Variants in CDH8 observed in about 807,000 individuals in gnomAD.
The protein encoded by CDH8 is cadherin 8.
CDH8 carries 17 observed loss-of-function variants against 68.1 expected under a neutral mutation model. That is an observed-to-expected ratio of 0.25 (90% CI 0.17 to 0.37). CDH8 has a LOEUF of 0.37. CDH8 is among the 10% of genes least tolerant of loss of function. The pLI is 1.00. For missense variants in CDH8, 763 were observed against 999.3 expected (o/e 0.76, Z 3.19); for synonymous variants, 372 against 365.1 (o/e 1.02, Z -0.21).
chr16:61,654,218 T>C (rs542438910), intron 11 of CDH8, 117 bp from the exon 12 acceptor site: 1 of 783,606 alleles, frequency 1.3e-6, no homozygotes, highest in South Asian at 1.9e-5. Flanking sequence ...CATACACCTT[T>C]AATAATATTT....
intron 8 of CDH8, among the ~76,000 whole-genome samples, chr16:61,751,446 C>G (rs1311592205): frequency 1.2e-5 from 1 of 80,508 alleles, no homozygotes; most frequent in Non-Finnish European, 2.5e-5. Context: ...TTTACTTAAA[C>G]ATGACACTCT....
At chr16:61,665,490 C>A (rs1192550781) in intron 10 of CDH8, among the ~76,000 whole-genome samples, 3 of 151,792 alleles carry the variant, frequency 2.0e-5, no homozygotes, top group African/African-American at 4.8e-5. Flanking sequence ...ACATCACACA[C>A]CAGGGCCTGT....
chr16:61,960,424 T>TGTGTATAC (rs1965133600), intron 2 of CDH8, among the ~76,000 whole-genome samples: 1 of 150,626 alleles, frequency 6.6e-6, no homozygotes, highest in South Asian at 2.1e-4. Flanking sequence ...TGTGTGTGTA[T>TGTGTATAC]ACACATACAT....
chr16:61,658,879 C>A (rs1185210278), intron 10 of CDH8, among the ~76,000 whole-genome samples: 3 of 152,018 alleles, frequency 2.0e-5, no homozygotes, highest in Non-Finnish European at 4.4e-5. Flanking sequence ...TAATGTTCTT[C>A]AATATATGTC....
intron 8 of CDH8, among the ~76,000 whole-genome samples, chr16:61,767,190 CAA>C (rs1448723994): frequency 6.6e-6 from 1 of 151,902 alleles, no homozygotes; most frequent in Non-Finnish European, 1.5e-5. Flanking sequence ...AATCACTCTA[CAA>C]AAGTGATGGT....
chr16:61,845,036 C>T (rs1199887007), intron 4 of CDH8, among the ~76,000 whole-genome samples: 3 of 152,064 alleles, frequency 2.0e-5, no homozygotes, highest in Non-Finnish European at 4.4e-5. Flanking sequence ...CCACTTCTTT[C>T]CTTGACCCCA....
chr16:61,960,223 ATACACACATATATACATGTG>A (rs1965104072), intron 2 of CDH8, among the ~76,000 whole-genome samples: 1 of 80,250 alleles, frequency 1.2e-5, no homozygotes, highest in Non-Finnish European at 2.2e-5. Context: ...GTGTGTGTGT[ATACACACATATATACATGTG>A]TGTGTGTATA....
intron 2 of CDH8, among the ~76,000 whole-genome samples, chr16:62,020,487 C>T (rs983600592): frequency 2.1e-5 from 2 of 95,716 alleles, no homozygotes; most frequent in African/African-American, 7.5e-5. Context: ...CTAACACACA[C>T]ACGCGCGCGC....
chr16:61,926,155 G>A (rs1465036238), intron 2 of CDH8, among the ~76,000 whole-genome samples: 1 of 70,602 alleles, frequency 1.4e-5, no homozygotes, highest in South Asian at 4.9e-4. Flanking sequence ...CAGAAGGGGT[G>A]TGTGTGTGTG....
intron 7 of CDH8, among the ~76,000 whole-genome samples, chr16:61,813,221 T>C (rs887505994): frequency 6.6e-6 from 1 of 152,168 alleles, no homozygotes; most frequent in African/African-American, 2.4e-5. Context: ...TAATTGGTCC[T>C]ACTCAGTCAT....
intron 3 of CDH8, among the ~76,000 whole-genome samples, chr16:61,862,856 C>A (rs1161094935): frequency 6.6e-6 from 1 of 152,010 alleles, no homozygotes; most frequent in Non-Finnish European, 1.5e-5. Flanking sequence ...TAAATAGGAC[C>A]CTGAGTAATA....
chr16:61,715,437 A>G (rs1964710763), intron 9 of CDH8, among the ~76,000 whole-genome samples: 1 of 151,604 alleles, frequency 6.6e-6, no homozygotes, highest in African/African-American at 2.4e-5. Context: ...AGAAATACAA[A>G]TGCAAAAACC....
intron 2 of CDH8, among the ~76,000 whole-genome samples, chr16:61,981,247 C>T (rs937965130): frequency 1.8e-4 from 27 of 152,100 alleles, no homozygotes; most frequent in African/African-American, 6.3e-4. Flanking sequence ...TATACAGAAA[C>T]CAATTGTACT....
At chr16:62,029,916 A>G (rs1485020085) in intron 1 of CDH8, among the ~76,000 whole-genome samples, 1 of 152,248 alleles carries the variant, frequency 6.6e-6, no homozygotes, top group Non-Finnish European at 1.5e-5. Flanking sequence ...CTTCTCACTT[A>G]AGAAATGTGG....
chr16:61,804,284 C>G (rs930894973), intron 7 of CDH8, among the ~76,000 whole-genome samples: 19 of 151,896 alleles, frequency 1.3e-4, no homozygotes, highest in Non-Finnish European at 2.1e-4. Flanking sequence ...AACAAAGACA[C>G]AACATACCAG....
chr16:61,659,576 G>A (rs1335085941), intron 10 of CDH8, among the ~76,000 whole-genome samples: 1 of 152,062 alleles, frequency 6.6e-6, no homozygotes, highest in Non-Finnish European at 1.5e-5. Flanking sequence ...GCTCTAGCTG[G>A]GCACTGTGCC....
chr16:61,864,542 C>G (rs1486733277), intron 3 of CDH8, among the ~76,000 whole-genome samples: 1 of 152,152 alleles, frequency 6.6e-6, no homozygotes, highest in Non-Finnish European at 1.5e-5. Context: ...CAAATTCCCC[C>G]AGCAGGAAGC....
At chr16:61,787,967 T>C (rs950058553) in intron 8 of CDH8, among the ~76,000 whole-genome samples, 5 of 143,374 alleles carry the variant, frequency 3.5e-5, no homozygotes, top group African/African-American at 1.0e-4. Flanking sequence ...AGGGATAGCA[T>C]TGGAAGATAT....
In CDH8 at chr16:61,843,323, A is replaced by G. The variant is rs561280329; in HGVS notation, c.667+13796T>C. 2.2e-4 allele frequency among the ~76,000 whole-genome samples: 34 copies of G among 152,336 alleles called. No individual in the cohort carries two copies. In the South Asian group the frequency reaches 6.6e-3, roughly 30 times the overall value. On this transcript the variant is annotated intron_variant, in intron 4 of 11. Coordinates refer to ENST00000577390, the MANE Select transcript of CDH8 (RefSeq NM_001796.5). ...TTAATGCCCTTCAGTGACATTTCTC[A>G]CTTTGGCAGGAAAGGAACTCAAGTA...
Sources: allele counts gnomAD v4.1 joint callset (sites outside exome capture counted in the v4.1 genomes callset), GRCh38; gene constraint gnomAD v4.1.1; transcripts MANE v1.5; gene names NCBI Gene and HGNC (gene_info 2026-07-23, HGNC 2026-07-21).